KIRREL3: variants seen among roughly 807,000 people sequenced by gnomAD.
KIRREL3 encodes the protein kin of IRRE-like protein 3.
KIRREL3 carries 36 observed loss-of-function variants against 89.7 expected under a neutral mutation model. That is an observed-to-expected ratio of 0.40 (90% CI 0.31 to 0.53). The LOEUF is 0.53. Among genes scored for constraint, KIRREL3 ranks in the 20% least tolerant of loss-of-function variants. The probability of loss-of-function intolerance (pLI) is 0.49; values close to 1 mark genes in which losing one functional copy is unlikely to be tolerated. For synonymous variants in KIRREL3, 445 were observed against 441.4 expected (o/e 1.01, Z -0.10); for missense variants, 864 against 1,056.6 (o/e 0.82, Z 2.53).
chr11:126,836,174 G>T (rs1467906519), intron 1 of KIRREL3, among the ~76,000 whole-genome samples: 1 of 152,198 alleles, frequency 6.6e-6, no homozygotes, highest in Non-Finnish European at 1.5e-5. Flanking sequence ...AGTCAGTTCT[G>T]TGAGTACTTC....
chr11:126,593,003 G>GT (rs1307413623), intron 1 of KIRREL3, among the ~76,000 whole-genome samples: 1 of 152,170 alleles, frequency 6.6e-6, no homozygotes, highest in Non-Finnish European at 1.5e-5. Flanking sequence ...GTCCAGCCAC[G>GT]TTAGGAGGCT....
intron 1 of KIRREL3, among the ~76,000 whole-genome samples, chr11:126,688,452 T>G (rs543381294): frequency 3.3e-5 from 5 of 152,210 alleles, no homozygotes; most frequent in Admixed American, 3.3e-4. Context: ...GCTAACAATG[T>G]TTTGGTTGCC....
chr11:126,816,620 C>T (rs1419132728), intron 1 of KIRREL3, among the ~76,000 whole-genome samples: 2 of 152,192 alleles, frequency 1.3e-5, no homozygotes, highest in Non-Finnish European at 2.9e-5. Flanking sequence ...AAATCTGTAA[C>T]CCAGGAATCT....
Position 126,708,579 on chromosome 11 carries a change from C to T in KIRREL3, c.56-145667G>A, listed in dbSNP as rs976860778. ...CAAGTTGCTGTTCCGACGTGGGCTC[C>T]GGGGTGGGGAAGGAAGGAGGGCGTT... is the stretch of plus-strand genomic sequence containing the variant. On this transcript the variant is annotated intron_variant, in intron 1 of 16. Transcript: ENST00000525144. The surrounding 1 kb of genome is among the most constrained non-coding windows in gnomAD (Gnocchi z 5.7). Among the ~76,000 whole-genome samples, 5 of 152,072 alleles carry T rather than the reference C, an allele frequency of 3.3e-5. No individual in the cohort carries two copies. The highest frequency in any genetic ancestry group is 2.0e-4 in the Admixed American group (3 of 15,272).
intron 1 of KIRREL3, among the ~76,000 whole-genome samples, chr11:126,757,002 A>G (rs1482356093): frequency 6.6e-6 from 1 of 152,112 alleles, no homozygotes; most frequent in Non-Finnish European, 1.5e-5. Flanking sequence ...TGCGGCTCCA[A>G]TTCTCACATT....
In KIRREL3 at chr11:126,579,176, C is replaced by T. The variant is rs1033066292; in HGVS notation, c.56-16264G>A. ...TGATGATCCTGGAGGATGAACGGGTCGTCTAAAACAGATGACGCTGGTGCG... is the reference window on the plus strand; with the variant it reads ...TGATGATCCTGGAGGATGAACGGGTTGTCTAAAACAGATGACGCTGGTGCG... On this transcript the variant is annotated intron_variant, in intron 1 of 16. Coordinates refer to ENST00000525144, the MANE Select transcript of KIRREL3 (RefSeq NM_032531.4). The surrounding 1 kb of genome is among the most constrained non-coding windows in gnomAD (Gnocchi z 5.3). Among the ~76,000 whole-genome samples the T allele has an allele frequency of 4.6e-5, 7 of 152,066 alleles. No individual in the cohort carries two copies. The highest frequency in any genetic ancestry group is 3.2e-3 in the Middle Eastern group (1 of 316).
rs530825392 is a variant in KIRREL3, at chr11:126,647,800, C to T, written c.56-84888G>A. Among the ~76,000 whole-genome samples, 191 of 152,282 alleles carry T rather than the reference C, an allele frequency of 1.3e-3. No homozygotes were observed. The highest frequency in any genetic ancestry group is 6.8e-3 in the Middle Eastern group (2 of 294). On this transcript the variant is annotated intron_variant, in intron 1 of 16. Transcript: ENST00000525144. This position sits in a 1 kb window ranked among gnomAD's most constrained non-coding sequence, Gnocchi z 4.9. ...TTTAAAAACCTAAGTCAGAGGGAGCCGTTCCTTTGTTCAGAACGGTGCAGA... is the reference window on the plus strand; with the variant it reads ...TTTAAAAACCTAAGTCAGAGGGAGCTGTTCCTTTGTTCAGAACGGTGCAGA...
At position 126,876,711 on chromosome 11, in the gene KIRREL3, T is replaced by C. The variant is rs1945300795; in HGVS notation, c.55+123744A>G. ...TGCCACCATGCCCAGCTAATTTTTT[T>C]GTATTTTTAGTAGAGATGGGGTTTC... On this transcript the variant is annotated intron_variant, in intron 1 of 16. Transcript: ENST00000525144. The surrounding 1 kb of genome is among the most constrained non-coding windows in gnomAD (Gnocchi z 4.1). 6.6e-6 allele frequency among the ~76,000 whole-genome samples: 1 copy of C among 152,018 alleles called. No individual in the cohort carries two copies. Among genetic ancestry groups the C allele is most frequent in the Non-Finnish European group, 1.5e-5 (1 of 68,004 alleles).
At position 126,780,988 on chromosome 11, in the gene KIRREL3, C is replaced by T. The variant is rs1273728046; in HGVS notation, c.56-218076G>A. On this transcript the variant is annotated intron_variant, in intron 1 of 16. Coordinates refer to ENST00000525144, the MANE Select transcript of KIRREL3 (RefSeq NM_032531.4). This position sits in a 1 kb window ranked among gnomAD's most constrained non-coding sequence, Gnocchi z 5.3. Reference sequence around the variant, plus strand: ...GTATTTTCTCCCTGGATACAGCTAGCAGCTGCAAGAGCTCCCAGGCCTCTG... The same window carrying T: ...GTATTTTCTCCCTGGATACAGCTAGTAGCTGCAAGAGCTCCCAGGCCTCTG... Among the ~76,000 whole-genome samples, 1 of 152,166 alleles carries T rather than the reference C, an allele frequency of 6.6e-6. No individual in the cohort carries two copies. The highest frequency in any genetic ancestry group is 1.5e-5 in the Non-Finnish European group (1 of 68,030).
In KIRREL3 at chr11:126,473,410, C is replaced by T. The variant is rs1231581897; in HGVS notation, c.490G>A (p.Asp164Asn). The change falls in exon 5 of 17, where the codon GAC (aspartate) becomes AAC (asparagine). Residue 164 changes from aspartate (D) to asparagine (N), a missense_variant. By Grantham distance (23) the Asp-to-Asn change is conservative (BLOSUM62 1). Transcript: ENST00000525144. ...GGPVISLRAG[D>N]PLNLTCHADN... ...GCGTGGCAGGTGAGGTTGAGAGGGTCCCCCGCACGCAGGCTGATCACAGGG... is the reference window on the plus strand; with the variant it reads ...GCGTGGCAGGTGAGGTTGAGAGGGTTCCCCGCACGCAGGCTGATCACAGGG... The T allele has an allele frequency of 1.3e-6, 2 of 1,586,010 alleles. No individual in the cohort carries two copies. The highest frequency in any genetic ancestry group is 1.7e-6 in the Non-Finnish European group (2 of 1,163,948).
Position 126,454,582 on chromosome 11 carries a change from G to GGGAGC in KIRREL3, c.848+1762_848+1766dup, listed in dbSNP as rs559667006. Among the ~76,000 whole-genome samples the GGGAGC allele has an allele frequency of 8.1e-4, 123 of 152,280 alleles. 3 individuals are homozygous for GGGAGC. Among genetic ancestry groups the GGGAGC allele is most frequent in the African/African-American group, 2.8e-3 (117 of 41,550 alleles). On this transcript the variant is annotated intron_variant, in intron 7 of 16. Coordinates refer to ENST00000525144, the MANE Select transcript of KIRREL3 (RefSeq NM_032531.4). This position sits in a 1 kb window ranked among gnomAD's most constrained non-coding sequence, Gnocchi z 5.8. ...GTTTAGGGACCAGGAGCAGAGACCTGGGAGCAGACAGAGGAGAGAAGCTGA... is the reference window on the plus strand; with the variant it reads ...GTTTAGGGACCAGGAGCAGAGACCTGGGAGCGGAGCAGACAGAGGAGAGAAGCTGA...
chr11:126,844,778 A>G lies in KIRREL3; in HGVS notation c.55+155677T>C, dbSNP rs1273635533. On this transcript the variant is annotated intron_variant, in intron 1 of 16. Transcript: ENST00000525144. This position sits in a 1 kb window ranked among gnomAD's most constrained non-coding sequence, Gnocchi z 4.8. ...CTCTTTGCTGAAGGCTATGGGTGAC[A>G]GAGTTAAGCATGTATAGGATCTTGG... Among the ~76,000 whole-genome samples, 2 of 152,168 alleles carry G rather than the reference A, an allele frequency of 1.3e-5. No homozygotes were observed. Among genetic ancestry groups the G allele is most frequent in the Admixed American group, 6.5e-5 (1 of 15,280 alleles).
rs1262247981 is a variant in KIRREL3, at chr11:126,918,704, C to T, written c.55+81751G>A. ...CATCTCTGTGACATGGCAGACATTA[C>T]TAATCAAGGATAGTTCCCCTTTTCA... On this transcript the variant is annotated intron_variant, in intron 1 of 16. Transcript: ENST00000525144. The surrounding 1 kb of genome is among the most constrained non-coding windows in gnomAD (Gnocchi z 6.5). 6.6e-6 allele frequency among the ~76,000 whole-genome samples: 1 copy of T among 152,120 alleles called. No homozygotes were observed. Among genetic ancestry groups the T allele is most frequent in the Non-Finnish European group, 1.5e-5 (1 of 68,028 alleles).
In KIRREL3 at chr11:126,455,964, T is replaced by C. The variant is rs536215302; in HGVS notation, c.848+385A>G. ...TCCTGATCTACCCAGGTGAACCAGTTTGATGGGCACAAGACTAGAATGGAG... is the reference window on the plus strand; with the variant it reads ...TCCTGATCTACCCAGGTGAACCAGTCTGATGGGCACAAGACTAGAATGGAG... On this transcript the variant is annotated intron_variant, in intron 7 of 16. Transcript: ENST00000525144. The surrounding 1 kb of genome is among the most constrained non-coding windows in gnomAD (Gnocchi z 6.4). Among the ~76,000 whole-genome samples the C allele has an allele frequency of 6.6e-6, 1 of 151,304 alleles. No individual in the cohort carries two copies. The highest frequency in any genetic ancestry group is 2.4e-5 in the African/African-American group (1 of 41,094).
intron 1 of KIRREL3, among the ~76,000 whole-genome samples, chr11:126,824,648 T>G (rs1193616046): frequency 6.6e-6 from 1 of 152,236 alleles, no homozygotes. Flanking sequence ...GACAAATGGT[T>G]GCATTATTTT....
chr11:126,729,663 C>T lies in KIRREL3; in HGVS notation c.56-166751G>A, dbSNP rs565136763. On this transcript the variant is annotated intron_variant, in intron 1 of 16. Transcript: ENST00000525144. The surrounding 1 kb of genome is among the most constrained non-coding windows in gnomAD (Gnocchi z 4.5). ...CAGGAGCTCACAGGTGGGTGTGAAC[C>T]TGGGGACCCTCCGTAGATACTCATG... Among the ~76,000 whole-genome samples the T allele has an allele frequency of 6.6e-6, 1 of 151,816 alleles. No individual in the cohort carries two copies. The highest frequency in any genetic ancestry group is 2.1e-4 in the South Asian group (1 of 4,804).
chr11:126,883,390 C>T lies in KIRREL3; in HGVS notation c.55+117065G>A, dbSNP rs187397469. On this transcript the variant is annotated intron_variant, in intron 1 of 16. Transcript: ENST00000525144. This position sits in a 1 kb window ranked among gnomAD's most constrained non-coding sequence, Gnocchi z 4.1. ...TTGTCGCACTTCCTGTCACCTCTCT[C>T]TCCTGCATCCCTCTCTATCTATGTT... 6.6e-6 allele frequency among the ~76,000 whole-genome samples: 1 copy of T among 152,314 alleles called. No individual in the cohort carries two copies. Among genetic ancestry groups the T allele is most frequent in the African/African-American group, 2.4e-5 (1 of 41,582 alleles).
intron 1 of KIRREL3, among the ~76,000 whole-genome samples, chr11:126,975,925 TCCC>T: frequency 1.6e-5 from 1 of 62,382 alleles, no homozygotes; most frequent in African/African-American, 6.6e-5. Context: ...CCTTCCTCCC[TCCC>T]TCCCTCCCTC....
chr11:126,680,894 G>A (rs918753941), intron 1 of KIRREL3, among the ~76,000 whole-genome samples: 2 of 152,088 alleles, frequency 1.3e-5, no homozygotes, highest in East Asian at 1.9e-4. Flanking sequence ...TCAGCAGCAC[G>A]ACCTAACAGG....
Sources: allele counts gnomAD v4.1 joint callset (sites outside exome capture counted in the v4.1 genomes callset), GRCh38; gene constraint gnomAD v4.1.1; non-coding constraint Gnocchi (gnomAD v3.1); transcripts MANE v1.5; gene names NCBI Gene and HGNC (gene_info 2026-07-23, HGNC 2026-07-21).